Variants in PPL observed in about 807,000 individuals in gnomAD.
PPL encodes 190 kDa paraneoplastic pemphigus antigen.
Under a neutral mutation model 194.4 loss-of-function variants are expected in PPL, and 198 were observed. That is an observed-to-expected ratio of 1.02 (90% CI 0.91 to 1.15). The LOEUF is 1.15. Among genes scored for constraint, PPL ranks in the 50% most tolerant of loss-of-function variants. PPL has a pLI of 0.00. For synonymous variants in PPL, 1,220 were observed against 972.4 expected, an observed-to-expected ratio of 1.25 and a Z score of -4.74; for missense variants, 2,885 against 2,294.8, an observed-to-expected ratio of 1.26 and a Z score of -5.25.
In PPL at chr16:4,888,168, A is replaced by C. The variant is rs749431350; in HGVS notation, c.2448T>G (p.Asn816Lys). The change falls in exon 20 of 22, where the codon AAT (asparagine) becomes AAG (lysine). Residue 816 changes from asparagine to lysine, a missense_variant. Transcript: ENST00000345988. Reference protein sequence around the residue: ...EKLRSLLDLENGRRSHVSKRA... With the variant: ...EKLRSLLDLEKGRRSHVSKRA... ...TCTTGCTCACGTGGCTTCTCCTTCCATTCTCCAAGTCGAGAAGAGACCTTA... is the reference window on the plus strand; with the variant it reads ...TCTTGCTCACGTGGCTTCTCCTTCCCTTCTCCAAGTCGAGAAGAGACCTTA... 6.2e-7 allele frequency: 1 copy of C among 1,613,822 alleles called. No homozygotes were observed. Among genetic ancestry groups the C allele is most frequent in the Admixed American group, 1.7e-5 (1 of 60,004 alleles).
chr16:4,930,292 T>C (rs1047590048), intron 1 of PPL, among the ~76,000 whole-genome samples: 9 of 152,144 alleles, frequency 5.9e-5, no homozygotes, highest in African/African-American at 2.2e-4. Context: ...TCCGCATTGC[T>C]GCCAGCTGTG....
Position 4,902,674 on chromosome 16 carries a change from C to T in PPL, c.318-148G>A, listed in dbSNP as rs1254164538. ...GTTCCAGACAATCACAGCATCCTCT[C>T]ACCCCTCCTCCCATGCACTTTTTTT... On this transcript the variant is annotated intron_variant, in intron 3 of 21. Coordinates refer to ENST00000345988, the MANE Select transcript of PPL (RefSeq NM_002705.5). This position sits in a 1 kb window ranked among gnomAD's most constrained non-coding sequence, Gnocchi z 4.0. 1.2e-6 allele frequency: 1 copy of T among 822,352 alleles called. No homozygotes were observed. Among genetic ancestry groups the T allele is most frequent in the South Asian group, 2.0e-5 (1 of 49,220 alleles). 50.9% of individuals were successfully genotyped at this position (822,352 alleles called of 1,614,324 possible). A position where few individuals can be genotyped will look rare whatever the true frequency, so the allele number is the denominator to read the frequency against.
At chr16:4,931,763 T>G (rs2089228538) in intron 1 of PPL, among the ~76,000 whole-genome samples, 2 of 152,170 alleles carry the variant, frequency 1.3e-5, no homozygotes, top group Admixed American at 1.3e-4. Context: ...CTTAGGGTAT[T>G]GCTTAAAGGG....
chr16:4,891,912 G>A lies in PPL; in HGVS notation c.1867C>T (p.Gln623Ter), dbSNP rs1371741303. 4 of 1,613,432 alleles carry A rather than the reference G, an allele frequency of 2.5e-6. No homozygotes were observed. Among genetic ancestry groups the A allele is most frequent in the Non-Finnish European group, 3.4e-6 (4 of 1,180,030 alleles). ...TGTGTGGCCAGCAACTCCCAGCTCT[G>A]CTGCAGGCTCTTCTCCAGGCGGTTG... ...VANRLEKSLQ[Q>*]SWELLATHEN... The change falls in exon 16 of 22, where the codon CAG becomes TAG. Residue 623 changes from glutamine to a stop codon, truncating the protein, a stop_gained. Coordinates refer to ENST00000345988, the MANE Select transcript of PPL (RefSeq NM_002705.5). LOFTEE classifies it high-confidence loss of function.
At chr16:4,890,578 A>G (rs142686364) in intron 17 of PPL, 150 bp downstream of exon 17, 6 of 1,104,766 alleles carry the variant, frequency 5.4e-6, no homozygotes, top group African/African-American at 3.2e-5. Context: ...GCATGACTCA[A>G]AAGAGAGACC....
intron 14 of PPL, 48 bp downstream of exon 14, chr16:4,893,165 C>A: frequency 6.9e-7 from 1 of 1,459,342 alleles, no homozygotes; most frequent in South Asian, 1.4e-5. Context: ...CCCAGGGGGC[C>A]AGTGCAGGGC....
In PPL at chr16:4,937,104, G is replaced by T. The variant is rs193058904; in HGVS notation, c.-59C>A. 13,338 of 1,152,612 alleles carry T rather than the reference G, an allele frequency of 0.012. 97 individuals carry two copies. Among genetic ancestry groups the T allele is most frequent in the Non-Finnish European group, 0.013 (12,094 of 930,640 alleles). The allele number at this position is 1,152,612 out of a possible 1,614,324, so 71.4% of individuals were successfully genotyped here. A position where few individuals can be genotyped will look rare whatever the true frequency, so the allele number is the denominator to read the frequency against. ...CGGGCCGGGCGCGCACCGAGGGGCG[G>T]GCGGGAGCGCAGGTGAGCGAGCGGC... On this transcript the variant is annotated 5_prime_UTR_variant, in exon 1 of 22. Transcript: ENST00000345988.
In PPL at chr16:4,929,837, C is replaced by T. The variant is rs147483808; in HGVS notation, c.62+7147G>A. Among the ~76,000 whole-genome samples, 216 of 152,076 alleles carry T rather than the reference C, an allele frequency of 1.4e-3. 2 individuals are homozygous for T. Among genetic ancestry groups the T allele is most frequent in the African/African-American group, 4.8e-3 (200 of 41,476 alleles). ...AGTAGCTAAGACTAGAGGCATGCACCACCATGCCCAGCTAATTTTTTTTTT... is the reference window on the plus strand; with the variant it reads ...AGTAGCTAAGACTAGAGGCATGCACTACCATGCCCAGCTAATTTTTTTTTT... On this transcript the variant is annotated intron_variant, in intron 1 of 21. Transcript: ENST00000345988.
chr16:4,920,516 T>C (rs1435050293), intron 1 of PPL, among the ~76,000 whole-genome samples: 2 of 152,070 alleles, frequency 1.3e-5, no homozygotes, highest in Admixed American at 6.6e-5. Flanking sequence ...CAGGCTGCAG[T>C]GCAGTGGCAA....
rs2088143890 is a variant in PPL at position 4,883,594 on chromosome 16, T to C, written c.5061A>G (p.Lys1687=). The C allele has an allele frequency of 6.2e-7, 1 of 1,614,000 alleles. No individual in the cohort carries two copies. The highest frequency in any genetic ancestry group is 1.7e-5 in the Admixed American group (1 of 59,992). The stretch of plus-strand genomic sequence containing the variant: ...CCCAGTCGCACTCCTGGCTTCTGAG[T>C]TTCACGAACATGTTCCAGTCAATGA... ...AGLIDWNMFV[K]LRSQECDWEE... is the part of the protein sequence containing the mutation. Residue 1687 remains lysine, a synonymous_variant, in exon 22 of 22, where the codon AAA becomes AAG. Coordinates refer to ENST00000345988, the MANE Select transcript of PPL (RefSeq NM_002705.5). The surrounding 1 kb of genome is among the most constrained non-coding windows in gnomAD (Gnocchi z 4.8).
chr16:4,889,241 G>GTTTTT (rs869094472), intron 18 of PPL, among the ~76,000 whole-genome samples, 180 bp from the exon 19 acceptor site: 6 of 66,632 alleles, frequency 9.0e-5, no homozygotes, highest in African/African-American at 4.6e-4. Context: ...TGTTGTTGTT[G>GTTTTT]TTTTTTTTTT....
rs1276560823 is a variant in PPL, at chr16:4,903,923, G to T, written c.280C>A (p.His94Asn). 4 of 1,614,086 alleles carry T rather than the reference G, an allele frequency of 2.5e-6. No individual in the cohort carries two copies. In the South Asian group the frequency reaches 3.3e-5, roughly 13 times the overall value. Residue 94 changes from histidine (H) to asparagine (N), a missense_variant, in exon 3 of 22, where the codon CAC (histidine) becomes AAC (asparagine). His to Asn is a moderately conservative substitution (Grantham distance 68, BLOSUM62 1). Transcript: ENST00000345988. Reference sequence around the variant, plus strand: ...ATGTCCCCCTGTGGGTGCTTCATGTGCTTGGCAATGGCCGCATCCGCCTCT... The same window carrying T: ...ATGTCCCCCTGTGGGTGCTTCATGTTCTTGGCAATGGCCGCATCCGCCTCT... ...VLEADAAIAKHMKHPQGDMIA... is the reference protein window; with the variant it reads ...VLEADAAIAKNMKHPQGDMIA...
intron 1 of PPL, among the ~76,000 whole-genome samples, chr16:4,928,200 T>C (rs1298207288): frequency 6.6e-6 from 1 of 152,276 alleles, no homozygotes; most frequent in African/African-American, 2.4e-5. Context: ...TGAAGTGCAT[T>C]GCTGCACTTC....
At chr16:4,934,013 C>T (rs2089259968) in intron 1 of PPL, among the ~76,000 whole-genome samples, 1 of 152,234 alleles carries the variant, frequency 6.6e-6, no homozygotes, top group Non-Finnish European at 1.5e-5. Context: ...GTGCTTATTC[C>T]CATCCCACAG....
intron 1 of PPL, among the ~76,000 whole-genome samples, chr16:4,924,492 C>G (rs1459482292): frequency 6.6e-6 from 1 of 152,178 alleles, no homozygotes; most frequent in Non-Finnish European, 1.5e-5. Context: ...CTCAGAGCAT[C>G]TTCCAGTCTC....
intron 14 of PPL, 72 bp from the exon 15 acceptor site, chr16:4,892,285 G>A (rs2088335758): frequency 2.0e-6 from 3 of 1,491,244 alleles, no homozygotes; most frequent in Non-Finnish European, 1.8e-6. Flanking sequence ...TGCCCAGGGT[G>A]AGCACAGATT....
chr16:4,886,409 C>G (rs2088220560), intron 21 of PPL, among the ~76,000 whole-genome samples: 2 of 152,198 alleles, frequency 1.3e-5, no homozygotes, highest in South Asian at 4.1e-4. Flanking sequence ...AAATGGTATT[C>G]CTGCTGCTCA....
intron 1 of PPL, 38 bp from the exon 2 acceptor site, chr16:4,910,987 T>G (rs2088809322): frequency 6.4e-7 from 1 of 1,554,000 alleles, no homozygotes; most frequent in Non-Finnish European, 8.8e-7. Flanking sequence ...GCGGGGTGCC[T>G]GGTGGGTGGG....
intron 16 of PPL, among the ~76,000 whole-genome samples, 164 bp from the exon 17 acceptor site, chr16:4,891,085 C>G (rs572277922): frequency 2.0e-5 from 3 of 152,246 alleles, no homozygotes; most frequent in African/African-American, 7.2e-5. Flanking sequence ...TGGGTCACTT[C>G]TGCCATCTTC....
Sources: allele counts gnomAD v4.1 joint callset (sites outside exome capture counted in the v4.1 genomes callset), GRCh38; gene constraint gnomAD v4.1.1; non-coding constraint Gnocchi (gnomAD v3.1); transcripts MANE v1.5; gene names NCBI Gene and HGNC (gene_info 2026-07-23, HGNC 2026-07-21).